Variants in DNAJC5 observed in about 807,000 individuals in gnomAD.
The protein encoded by DNAJC5 is dnaJ homolog subfamily C member 5.
DNAJC5 carries 1 observed loss-of-function variant against 23.2 expected under a neutral mutation model. The ratio of observed to expected loss-of-function variants is 0.04; its 90% CI spans 0.02 to 0.20. DNAJC5 has a LOEUF of 0.20. Ranked by LOEUF, DNAJC5 falls within the 10% of genes least tolerant of loss-of-function variation. The probability of loss-of-function intolerance (pLI) is 1.00; values close to 1 mark genes in which losing one functional copy is unlikely to be tolerated. For missense variants in DNAJC5, 180 were observed against 267.0 expected, an observed-to-expected ratio of 0.67 and a Z score of 2.27; for synonymous variants, 136 against 120.0, an observed-to-expected ratio of 1.13 and a Z score of -0.87.
Position 63,916,536 on chromosome 20 carries a change from A to C in DNAJC5, c.-11-11799A>C, listed in dbSNP as rs2053516587. 3.9e-5 allele frequency among the ~76,000 whole-genome samples: 6 copies of C among 152,240 alleles called. No individual in the cohort carries two copies. The South Asian group carries it at 1.2e-3, about 32-fold the overall frequency. On this transcript the variant is annotated intron_variant, in intron 1 of 4. Transcript: ENST00000360864. ...CAAAGATCACAAGGCAAAGGGCAAA[A>C]GTGGAACTCCTGATAAGGGTCTGTG...
rs534278396 is a variant in DNAJC5 at position 63,934,522 on chromosome 20, G to A, written c.*2954G>A. On this transcript the variant is annotated 3_prime_UTR_variant, in exon 5 of 5. Transcript: ENST00000360864. The stretch of plus-strand genomic sequence containing the variant: ...GGTCCGGGCAGCACTGACTGCTTCC[G>A]ACCTGCAGGAGGCGTAGGAGCGGCC... 2 of 152,396 alleles carry A rather than the reference G, an allele frequency of 1.3e-5. No homozygotes were observed. The highest frequency in any genetic ancestry group is 2.1e-4 in the South Asian group (1 of 4,836). 9.4% of individuals were successfully genotyped at this position (152,396 alleles called of 1,614,324 possible).
intron 1 of DNAJC5, among the ~76,000 whole-genome samples, chr20:63,915,771 T>C (rs1275110196): frequency 5.9e-5 from 9 of 152,222 alleles, no homozygotes. Context: ...AGTTCCACTC[T>C]TAGGTATACA....
intron 1 of DNAJC5, among the ~76,000 whole-genome samples, chr20:63,898,729 T>C (rs971705201): frequency 3.3e-5 from 5 of 152,094 alleles, no homozygotes; most frequent in Admixed American, 1.3e-4. Context: ...TAATTCCAGC[T>C]ACTAGGGAGG....
intron 1 of DNAJC5, among the ~76,000 whole-genome samples, chr20:63,900,758 C>T (rs6062332): frequency 0.053 from 8,059 of 152,084 alleles, 411 homozygotes; most frequent in East Asian, 0.2. Flanking sequence ...CATATTAAAC[C>T]TGAGTGACAT....
rs557989900 is a variant in DNAJC5 at position 63,921,605 on chromosome 20, A to G, written c.-11-6730A>G. Among the ~76,000 whole-genome samples the G allele has an allele frequency of 3.9e-3, 585 of 151,738 alleles. 1 individual carries two copies. Among genetic ancestry groups the G allele is most frequent in the Non-Finnish European group, 7.1e-3 (484 of 67,950 alleles). The stretch of plus-strand genomic sequence containing the variant: ...GACTCCGTCTCAAAAAAAAAAAAAA[A>G]GAGTTCTGACTGAAGGTTGGAACTT... On this transcript the variant is annotated intron_variant, in intron 1 of 4. Transcript: ENST00000360864.
chr20:63,902,153 C>T (rs1272432528), intron 1 of DNAJC5, among the ~76,000 whole-genome samples: 1 of 151,738 alleles, frequency 6.6e-6, no homozygotes, highest in Non-Finnish European at 1.5e-5. Context: ...CTCCCGGGTT[C>T]ACGCCATTCC....
chr20:63,926,327 A>G (rs2053616042), intron 1 of DNAJC5, among the ~76,000 whole-genome samples: 1 of 152,154 alleles, frequency 6.6e-6, no homozygotes, highest in Non-Finnish European at 1.5e-5. Flanking sequence ...GTCTTTCCTC[A>G]TGTTGCTCAA....
At chr20:63,917,192 C>T (rs746143913) in intron 1 of DNAJC5, among the ~76,000 whole-genome samples, 10 of 152,198 alleles carry the variant, frequency 6.6e-5, no homozygotes, top group African/African-American at 1.7e-4. Context: ...CAGCTCCAGC[C>T]GGTCCATCTG....
intron 1 of DNAJC5, among the ~76,000 whole-genome samples, chr20:63,914,332 T>C (rs1261706818): frequency 6.6e-6 from 1 of 152,226 alleles, no homozygotes. Flanking sequence ...TTAGCTTTTT[T>C]GAGACGGAGT....
chr20:63,912,097 G>GT (rs532646462), intron 1 of DNAJC5, among the ~76,000 whole-genome samples: 128 of 152,260 alleles, frequency 8.4e-4, no homozygotes, highest in African/African-American at 2.9e-3. Context: ...GAGGCCGGGA[G>GT]TTTGAGTCCA....
At chr20:63,910,143 T>G (rs2053473590) in intron 1 of DNAJC5, among the ~76,000 whole-genome samples, 1 of 152,182 alleles carries the variant, frequency 6.6e-6, no homozygotes, top group African/African-American at 2.4e-5. Context: ...AGGCCCCCTT[T>G]GTATGGAGAG....
chr20:63,912,389 G>A (rs563216680), intron 1 of DNAJC5, among the ~76,000 whole-genome samples: 1 of 151,412 alleles, frequency 6.6e-6, no homozygotes, highest in Admixed American at 6.6e-5. Context: ...GTTGACTCTT[G>A]TTTATAATTT....
chr20:63,909,041 C>T (rs1364785213), intron 1 of DNAJC5: 1 of 152,168 alleles, frequency 6.6e-6, no homozygotes. Flanking sequence ...ATGTGCTGAG[C>T]CCTGCGTTTT....
chr20:63,895,567 T>C (rs925337776), intron 1 of DNAJC5, among the ~76,000 whole-genome samples: 3 of 150,628 alleles, frequency 2.0e-5, no homozygotes, highest in African/African-American at 4.9e-5. Flanking sequence ...GCCGGGGGTC[T>C]GAGCACCGTG....
At chr20:63,910,604 C>T (rs570626496) in intron 1 of DNAJC5, among the ~76,000 whole-genome samples, 11 of 151,418 alleles carry the variant, frequency 7.3e-5, no homozygotes, top group African/African-American at 1.9e-4. Flanking sequence ...CCTGGGTGCC[C>T]GATGCCCAGG....
intron 1 of DNAJC5, among the ~76,000 whole-genome samples, chr20:63,921,530 G>A (rs959577608): frequency 6.6e-6 from 1 of 151,064 alleles, no homozygotes; most frequent in African/African-American, 2.4e-5. Context: ...GGCGGAGCTT[G>A]CAGCAAGCCG....
At chr20:63,918,746 C>A (rs993274639) in intron 1 of DNAJC5, among the ~76,000 whole-genome samples, 6 of 152,192 alleles carry the variant, frequency 3.9e-5, no homozygotes, top group Non-Finnish European at 7.3e-5. Context: ...AGGCGCCCAC[C>A]ACCATGCCTG....
At chr20:63,914,207 G>A (rs1045390773) in intron 1 of DNAJC5, among the ~76,000 whole-genome samples, 1 of 152,026 alleles carries the variant, frequency 6.6e-6, no homozygotes, top group Non-Finnish European at 1.5e-5. Context: ...TGACCCACAG[G>A]GTTTACCTTG....
intron 1 of DNAJC5, chr20:63,919,704 C>A (rs1198787878): frequency 2.2e-6 from 1 of 448,496 alleles, no homozygotes; most frequent in African/African-American, 3.2e-5. Context: ...CGGGACAGCG[C>A]CACGGAAGAG....
Sources: allele counts gnomAD v4.1 joint callset (sites outside exome capture counted in the v4.1 genomes callset), GRCh38; gene constraint gnomAD v4.1.1; transcripts MANE v1.5; gene names NCBI Gene and HGNC (gene_info 2026-07-23, HGNC 2026-07-21).